The following SCGB2B2 variants were observed in gnomAD, a reference collection of about 807,000 sequenced individuals.
The protein encoded by SCGB2B2 is secretoglobin-like protein.
A neutral mutation model predicts 7.6 loss-of-function variants in SCGB2B2; 11 were observed. The observed-to-expected ratio is 1.45, with a 90% confidence interval of 0.91 to 2.40. The LOEUF (loss-of-function observed/expected upper bound fraction) is 2.40. Ranked by LOEUF, SCGB2B2 falls within the 30% of genes most tolerant of loss-of-function variation. The pLI is 0.00. For missense variants in SCGB2B2, 104 were observed against 115.4 expected (o/e 0.90, Z 0.45); for synonymous variants, 50 against 48.6 (o/e 1.03, Z -0.12).
At chr19:34,590,092 C>A (rs1003078347), downstream of SCGB2B2, among the ~76,000 whole-genome samples, 2 of 152,216 alleles carry the variant, frequency 1.3e-5, no homozygotes, top group African/African-American at 4.8e-5. Context: ...GTGGGTATGA[C>A]CCCATTTCAA....
At chr19:34,667,275 C>T (rs1417239823) in intron 1 of SCGB2B2, among the ~76,000 whole-genome samples, 1 of 152,272 alleles carries the variant, frequency 6.6e-6, no homozygotes, top group Admixed American at 6.5e-5. Context: ...CCCATCCTAT[C>T]CCTCCTTCCC....
At chr19:34,603,915 C>T (rs973005793) in intron 1 of SCGB2B2, among the ~76,000 whole-genome samples, 2 of 151,154 alleles carry the variant, frequency 1.3e-5, no homozygotes, top group African/African-American at 2.4e-5. Flanking sequence ...TCAAGCAATG[C>T]TCCCACCTCA....
intron 1 of SCGB2B2, among the ~76,000 whole-genome samples, chr19:34,615,140 CT>C (rs1361799803): frequency 1.3e-5 from 2 of 152,168 alleles, no homozygotes; most frequent in Admixed American, 6.5e-5. Flanking sequence ...ACAAGATGCA[CT>C]CCAGTCATAG....
At chr19:34,653,815 C>T (rs1295271966) in intron 1 of SCGB2B2, among the ~76,000 whole-genome samples, 2 of 151,132 alleles carry the variant, frequency 1.3e-5, no homozygotes, top group African/African-American at 4.9e-5. Context: ...AAGGAACTTA[C>T]CTCAACACAA....
intron 1 of SCGB2B2, among the ~76,000 whole-genome samples, chr19:34,649,473 C>G (rs773236817): frequency 6.6e-6 from 1 of 152,022 alleles, no homozygotes; most frequent in African/African-American, 2.4e-5. Flanking sequence ...TGGTCACCAC[C>G]ATCACTTTCG....
At chr19:34,594,034 G>T in intron 3 of SCGB2B2, 141 bp downstream of exon 3, 1 of 680,530 alleles carries the variant, frequency 1.5e-6, no homozygotes. Context: ...GGCAGGTGGG[G>T]AACTTCATCT....
intron 1 of SCGB2B2, among the ~76,000 whole-genome samples, chr19:34,622,913 T>C (rs1215199470): frequency 1.3e-5 from 1 of 76,508 alleles, no homozygotes; most frequent in East Asian, 3.6e-4. Context: ...GGGGTTTTCA[T>C]CTAGGTTTTT....
In SCGB2B2 at chr19:34,593,497, C is replaced by T. The variant is rs375207566; in HGVS notation, c.*58G>A. On this transcript the variant is annotated 3_prime_UTR_variant, in exon 4 of 4. Transcript: ENST00000601241. ...GTGATGAACAGAGCCAGGCCAGGAA[C>T]GCGGGGAGCCCCAAGGAAGGCAGGA... 220 of 1,348,454 alleles carry T rather than the reference C, an allele frequency of 1.6e-4. No homozygotes were observed. Among genetic ancestry groups the T allele is most frequent in the Middle Eastern group, 9.5e-4 (4 of 4,200 alleles). 83.5% of individuals were successfully genotyped at this position (1,348,454 alleles called of 1,614,324 possible).
chr19:34,609,316 C>A (rs533539295), intron 1 of SCGB2B2, among the ~76,000 whole-genome samples: 1 of 151,998 alleles, frequency 6.6e-6, no homozygotes, highest in African/African-American at 2.4e-5. Context: ...TGTGCCGAAG[C>A]TTTTTAGTTT....
chr19:34,618,076 C>A (rs1375300278), intron 1 of SCGB2B2, among the ~76,000 whole-genome samples: 1 of 152,230 alleles, frequency 6.6e-6, no homozygotes, highest in African/African-American at 2.4e-5. Context: ...GATGGAAATG[C>A]AGAAATCACT....
At chr19:34,610,374 C>T (rs1046847638) in intron 1 of SCGB2B2, among the ~76,000 whole-genome samples, 20 of 152,154 alleles carry the variant, frequency 1.3e-4, no homozygotes, top group African/African-American at 4.8e-4. Flanking sequence ...AGTGGCCATT[C>T]TTGTCTTGCT....
chr19:34,633,106 G>C (rs1054229400), intron 1 of SCGB2B2: 2 of 152,254 alleles, frequency 1.3e-5, no homozygotes, highest in African/African-American at 4.8e-5. Flanking sequence ...TTTTCCCCTT[G>C]CTCCTGCCTC....
intron 1 of SCGB2B2, among the ~76,000 whole-genome samples, chr19:34,621,551 T>C (rs1174602919): frequency 8.3e-6 from 1 of 120,300 alleles, no homozygotes; most frequent in African/African-American, 2.7e-5. Flanking sequence ...TTTAGTCAAC[T>C]GAGAAAAAAA....
chr19:34,628,558 C>G (rs1600055303), intron 1 of SCGB2B2, among the ~76,000 whole-genome samples: 1 of 151,872 alleles, frequency 6.6e-6, no homozygotes, highest in East Asian at 1.9e-4. Context: ...CCTCCCAAGA[C>G]TAAACCGGGA....
At chr19:34,588,596 A>G (rs555039376), downstream of SCGB2B2, among the ~76,000 whole-genome samples, 5 of 152,356 alleles carry the variant, frequency 3.3e-5, no homozygotes, top group East Asian at 9.6e-4. Context: ...GACCTCTGGC[A>G]TGCTCAGCCC....
chr19:34,662,219 T>C lies in SCGB2B2; in HGVS notation c.-2032+13411A>G, dbSNP rs566157344. Among the ~76,000 whole-genome samples the C allele has an allele frequency of 2.6e-4, 39 of 152,262 alleles. No individual in the cohort carries two copies. In the South Asian group the frequency reaches 7.2e-3, roughly 28 times the overall value. On this transcript the variant is annotated intron_variant, in intron 1 of 3. Coordinates refer to ENST00000601241, the MANE Select transcript of SCGB2B2 (RefSeq NM_001025591.4). Reference sequence around the variant, plus strand: ...TATGTGTGACCCAAAACAATTCTTCTTCTTTCAGTGTGGCCCGTGGAAGCC... The same window carrying C: ...TATGTGTGACCCAAAACAATTCTTCCTCTTTCAGTGTGGCCCGTGGAAGCC...
rs116984857 is a variant in SCGB2B2, at chr19:34,665,988, G to A, written c.-2032+9642C>T. Reference sequence around the variant, plus strand: ...GCGGCCCTCTGCTCCCAGGTCCTCTGTTCCCTGACCCTGATGCTCAGCCCC... The same window carrying A: ...GCGGCCCTCTGCTCCCAGGTCCTCTATTCCCTGACCCTGATGCTCAGCCCC... On this transcript the variant is annotated intron_variant, in intron 1 of 3. Coordinates refer to ENST00000601241, the MANE Select transcript of SCGB2B2 (RefSeq NM_001025591.4). Among the ~76,000 whole-genome samples, 499 of 152,200 alleles carry A rather than the reference G, an allele frequency of 3.3e-3. 2 individuals carry two copies. The highest frequency in any genetic ancestry group is 7.9e-3 in the Admixed American group (121 of 15,296).
At chr19:34,641,647 G>A (rs1236570932) in intron 1 of SCGB2B2, among the ~76,000 whole-genome samples, 7 of 110,614 alleles carry the variant, frequency 6.3e-5, no homozygotes. Flanking sequence ...TAAATTGGGT[G>A]ATCACCTTTT....
chr19:34,594,589 C>T lies in SCGB2B2; in HGVS notation c.-26G>A, dbSNP rs750341202. 1.2e-6 allele frequency: 2 copies of T among 1,608,686 alleles called. No homozygotes were observed. Among genetic ancestry groups the T allele is most frequent in the Admixed American group, 1.7e-5 (1 of 59,974 alleles). On this transcript the variant is annotated 5_prime_UTR_variant, in exon 2 of 4. Coordinates refer to ENST00000601241, the MANE Select transcript of SCGB2B2 (RefSeq NM_001025591.4). ...GACAGCGGAGTCTGGTCCCAGCAGG[C>T]ACAGGCAGGGAATTTGGCGATGGGT...
Sources: gnomAD v4.1 joint callset for allele counts (sites outside exome capture counted in the v4.1 genomes callset) on GRCh38, gnomAD v4.1.1 for gene constraint, MANE v1.5 for transcripts, NCBI Gene and HGNC (gene_info 2026-07-23, HGNC 2026-07-21) for gene names.